Variants in UGT1A8 observed in about 807,000 individuals in gnomAD.
UGT1A8 encodes the protein UDP glucuronosyltransferase family 1 member A8.
UGT1A8 carries 39 observed loss-of-function variants against 45.3 expected under a neutral mutation model. The ratio of observed to expected loss-of-function variants is 0.86; its 90% CI spans 0.67 to 1.12. UGT1A8 has a LOEUF of 1.12. Among genes scored for constraint, UGT1A8 ranks in the 50% most tolerant of loss-of-function variants. The pLI is 0.00. For missense variants in UGT1A8, 719 were observed against 664.9 expected (o/e 1.08, Z -0.90); for synonymous variants, 275 against 249.2 (o/e 1.10, Z -0.97).
Position 233,636,471 on chromosome 2 carries a change from T to C in UGT1A8, c.855+17909T>C, listed in dbSNP as rs188037780. 58 of 1,568,396 alleles carry C rather than the reference T, an allele frequency of 3.7e-5. No individual in the cohort carries two copies. In the Admixed American group the frequency reaches 7.1e-4, roughly 19 times the overall value. The stretch of plus-strand genomic sequence containing the variant: ...TTGTGCCTGTACTTCTTCCGCCTAC[T>C]GTATCATAGCAGCTTAGAATCCCAG... On this transcript the variant is annotated intron_variant, in intron 1 of 4. Coordinates refer to ENST00000373450, the MANE Select transcript of UGT1A8 (RefSeq NM_019076.5).
In UGT1A8 at chr2:233,637,171, C is replaced by A. The variant is rs753054350; in HGVS notation, c.855+18609C>A. ...GAACCACATCGTGCACTTGGAGGAC[C>A]ATTTATTTTGCCAGTATCTTTTTAG... On this transcript the variant is annotated intron_variant, in intron 1 of 4. Transcript: ENST00000373450. The A allele has an allele frequency of 6.8e-6, 11 of 1,613,840 alleles. No individual in the cohort carries two copies. The highest frequency in any genetic ancestry group is 2.2e-5 in the South Asian group (2 of 91,078).
chr2:233,736,773 T>A (rs572779533), intron 1 of UGT1A8, among the ~76,000 whole-genome samples: 1 of 152,322 alleles, frequency 6.6e-6, no homozygotes, highest in African/African-American at 2.4e-5. Flanking sequence ...AACAGTCAGA[T>A]CCCTCAGCTG....
At chr2:233,628,584 A>C (rs986670026) in intron 1 of UGT1A8, among the ~76,000 whole-genome samples, 1 of 151,946 alleles carries the variant, frequency 6.6e-6, no homozygotes, top group African/African-American at 2.4e-5. Flanking sequence ...TTTTCTTTAC[A>C]ATCTGGACAC....
intron 1 of UGT1A8, chr2:233,690,549 G>A: frequency 7.8e-7 from 1 of 1,289,414 alleles, no homozygotes; most frequent in Non-Finnish European, 1.0e-6. Context: ...ACTGGAATAT[G>A]TCCCAAGCCT....
chr2:233,772,331 C>G lies in UGT1A8; in HGVS notation c.1365C>G (p.Ala455=). ...GCCCGGTGGAGCCGCTGGACCTGGC[C>G]GTGTTCTGGGTGGAGTTTGTGATGA... ...KDRPVEPLDL[A]VFWVEFVMRH... Residue 455 remains alanine (A), a synonymous_variant, in exon 5 of 5, where the codon GCC becomes GCG. Coordinates refer to ENST00000373450, the MANE Select transcript of UGT1A8 (RefSeq NM_019076.5). The G allele has an allele frequency of 6.2e-7, 1 of 1,614,136 alleles. No individual in the cohort carries two copies. The highest frequency in any genetic ancestry group is 8.5e-7 in the Non-Finnish European group (1 of 1,180,034).
intron 1 of UGT1A8, chr2:233,713,566 C>T: frequency 6.2e-7 from 1 of 1,613,980 alleles, no homozygotes; most frequent in Non-Finnish European, 8.5e-7. Flanking sequence ...AACCCTTCCT[C>T]CTATATTCCT....
chr2:233,647,415 AT>A (rs1310455344), intron 1 of UGT1A8, among the ~76,000 whole-genome samples: 1 of 152,174 alleles, frequency 6.6e-6, no homozygotes, highest in Non-Finnish European at 1.5e-5. Context: ...GAATTAGGGC[AT>A]TTCACATCCT....
intron 1 of UGT1A8, chr2:233,691,741 C>G (rs1019333955): frequency 3.1e-6 from 2 of 651,030 alleles, no homozygotes; most frequent in Non-Finnish European, 3.8e-6. Flanking sequence ...GAAGCAGATA[C>G]CAGGCTTTCT....
Position 233,621,492 on chromosome 2 carries a change from A to G in UGT1A8, c.855+2930A>G, listed in dbSNP as rs1196283438. On this transcript the variant is annotated intron_variant, in intron 1 of 4. Coordinates refer to ENST00000373450, the MANE Select transcript of UGT1A8 (RefSeq NM_019076.5). ...CCCATTCCTCTAAGTTTCTGGCTCC[A>G]GTTTAAGATCCAAATTCAAAGTTAG... 5.9e-5 allele frequency among the ~76,000 whole-genome samples: 9 copies of G among 152,340 alleles called. No individual in the cohort carries two copies. The East Asian group carries it at 7.7e-4, about 13-fold the overall frequency.
In UGT1A8 at chr2:233,672,646, C is replaced by T. The variant is rs759809207; in HGVS notation, c.855+54084C>T. On this transcript the variant is annotated intron_variant, in intron 1 of 4. Coordinates refer to ENST00000373450, the MANE Select transcript of UGT1A8 (RefSeq NM_019076.5). ...AATAGCCTCTGAAATTCTCCAAACA[C>T]CTGTTACGGAGTATGATCTCTACAG... The T allele has an allele frequency of 9.3e-6, 15 of 1,613,778 alleles. No homozygotes were observed. In the African/African-American group the frequency reaches 9.3e-5, roughly 10 times the overall value.
intron 1 of UGT1A8, chr2:233,690,664 G>C (rs2075002310): frequency 7.9e-7 from 1 of 1,272,234 alleles, no homozygotes; most frequent in Non-Finnish European, 1.0e-6. Context: ...GCACCAACCA[G>C]GGCAGGCCTG....
At chr2:233,712,949 A>G (rs374838145) in intron 1 of UGT1A8, 2 of 1,612,750 alleles carry the variant, frequency 1.2e-6, no homozygotes, top group Non-Finnish European at 1.7e-6. Flanking sequence ...TCTAGGAGGC[A>G]CAACGTGGGG....
At chr2:233,694,232 G>C (rs1484971413) in intron 1 of UGT1A8, among the ~76,000 whole-genome samples, 1 of 151,986 alleles carries the variant, frequency 6.6e-6, no homozygotes, top group Non-Finnish European at 1.5e-5. Context: ...CCCATGCTTT[G>C]TCTCTGGACC....
chr2:233,768,499 A>G (rs528932470), intron 4 of UGT1A8, 60 bp downstream of exon 4: 7 of 1,570,454 alleles, frequency 4.5e-6, no homozygotes, highest in Non-Finnish European at 6.1e-6. Flanking sequence ...AATTGTTTCA[A>G]ATATGAAAAC....
At chr2:233,724,917 C>T (rs1223036071) in intron 1 of UGT1A8, among the ~76,000 whole-genome samples, 1 of 141,476 alleles carries the variant, frequency 7.1e-6, no homozygotes, top group Non-Finnish European at 1.5e-5. Flanking sequence ...CCATTGAGCA[C>T]TGAGTGAACG....
chr2:233,769,576 T>C lies in UGT1A8; in HGVS notation c.1295+1137T>C. The C allele has an allele frequency of 3.1e-6, 5 of 1,612,860 alleles. No individual in the cohort carries two copies. Among genetic ancestry groups the C allele is most frequent in the Non-Finnish European group, 4.2e-6 (5 of 1,179,860 alleles). ...GACAGATGTGAAGAGCTGGAGCATG[T>C]TCAGATGAGAGGAGACGGAACACGG... On this transcript the variant is annotated intron_variant, in intron 4 of 4. Coordinates refer to ENST00000373450, the MANE Select transcript of UGT1A8 (RefSeq NM_019076.5). The surrounding 1 kb of genome is among the most constrained non-coding windows in gnomAD (Gnocchi z 4.4).
chr2:233,695,778 T>A (rs2075306638), intron 1 of UGT1A8, among the ~76,000 whole-genome samples: 1 of 152,202 alleles, frequency 6.6e-6, no homozygotes, highest in African/African-American at 2.4e-5. Context: ...CTGAATAATT[T>A]TCCATTCTGT....
At chr2:233,715,374 C>CGT (rs2076448384) in intron 1 of UGT1A8, among the ~76,000 whole-genome samples, 1 of 152,106 alleles carries the variant, frequency 6.6e-6, no homozygotes, top group South Asian at 2.1e-4. Context: ...ATTTTCTTCA[C>CGT]AGTTTGCTGT....
intron 4 of UGT1A8, chr2:233,770,944 AC>A: frequency 6.6e-6 from 1 of 152,138 alleles, no homozygotes; most frequent in Non-Finnish European, 1.5e-5. Context: ...TGCCGGGGGA[AC>A]CTCAGGGAGC....
Sources: allele counts gnomAD v4.1 joint callset (sites outside exome capture counted in the v4.1 genomes callset), GRCh38; gene constraint gnomAD v4.1.1; non-coding constraint Gnocchi (gnomAD v3.1); transcripts MANE v1.5; gene names NCBI Gene and HGNC (gene_info 2026-07-23, HGNC 2026-07-21).